SPON1: variants seen among roughly 807,000 people sequenced by gnomAD.
SPON1 encodes the protein spondin-1.
A neutral mutation model predicts 111.7 loss-of-function variants in SPON1; 52 were observed. The ratio of observed to expected loss-of-function variants is 0.47; its 90% CI spans 0.37 to 0.59. The LOEUF (loss-of-function observed/expected upper bound fraction) is 0.59, where lower values mean the gene tolerates loss of function less well. Among genes scored for constraint, SPON1 ranks in the 20% least tolerant of loss-of-function variants. The pLI is 0.00. For missense variants in SPON1, 957 were observed against 1,068.5 expected (o/e 0.90, Z 1.46); for synonymous variants, 410 against 395.8 (o/e 1.04, Z -0.43).
At chr11:14,209,288 T>C (rs1299693986) in intron 6 of SPON1, among the ~76,000 whole-genome samples, 2 of 152,158 alleles carry the variant, frequency 1.3e-5, no homozygotes, top group Non-Finnish European at 2.9e-5. Context: ...ATACTTTAAG[T>C]TCTTGGATAC....
At chr11:14,260,822 G>A (rs1269474701) in intron 14 of SPON1, 70 bp downstream of exon 14, 2 of 1,488,298 alleles carry the variant, frequency 1.3e-6, no homozygotes, top group East Asian at 2.3e-5. Context: ...GAACCAGCCA[G>A]TGCTAATACT....
At chr11:14,231,147 T>A (rs1848797693) in intron 6 of SPON1, among the ~76,000 whole-genome samples, 1 of 149,594 alleles carries the variant, frequency 6.7e-6, no homozygotes, top group African/African-American at 2.5e-5. Flanking sequence ...TTTTTTTTTT[T>A]ATTTGAGATG....
In SPON1 at chr11:14,135,619, C is replaced by T. The variant is rs1847582916; in HGVS notation, c.825+51C>T. On this transcript the variant is annotated intron_variant, in intron 6 of 15. Transcript: ENST00000576479. The surrounding 1 kb of genome is among the most constrained non-coding windows in gnomAD (Gnocchi z 4.4). ...CCAAATAACAGAAATGCAGTCAAAG[C>T]ACTCCTTAGATATCTTTCCCAGGGG... 6.4e-7 allele frequency: 1 copy of T among 1,573,448 alleles called. No homozygotes were observed. Among genetic ancestry groups the T allele is most frequent in the Non-Finnish European group, 8.7e-7 (1 of 1,148,618 alleles).
chr11:14,002,482 G>A (rs1554912549), intron 2 of SPON1, among the ~76,000 whole-genome samples: 1 of 152,126 alleles, frequency 6.6e-6, no homozygotes, highest in African/African-American at 2.4e-5. Context: ...GTAGACAGAG[G>A]CAAGCTGATC....
chr11:14,057,838 A>AAAAAAAAAAAAAC lies in SPON1; in HGVS notation c.479+16189_479+16190insAAAAAAACAAAAA, dbSNP rs1318170668. ...AGTGAGACCTTGTCTCTACAAAAAAAAAAAACAAAACAAAAACTTAAAAAT... is the reference window on the plus strand; with the variant it reads ...AGTGAGACCTTGTCTCTACAAAAAAAAAAAAAAAAAAACAAAAACAAAACAAAAACTTAAAAAT... On this transcript the variant is annotated intron_variant, in intron 3 of 15. Transcript: ENST00000576479. 2.3e-3 allele frequency among the ~76,000 whole-genome samples: 266 copies of AAAAAAAAAAAAAC among 117,796 alleles called. 1 individual carries two copies. Among genetic ancestry groups the AAAAAAAAAAAAAC allele is most frequent in the Middle Eastern group, 9.4e-3 (2 of 212 alleles). 77.3% of individuals were successfully genotyped at this position (117,796 alleles called of 152,430 possible). A position where few individuals can be genotyped will look rare whatever the true frequency, so the allele number is the denominator to read the frequency against.
At chr11:14,166,952 T>C (rs537691548) in intron 6 of SPON1, among the ~76,000 whole-genome samples, 1 of 152,220 alleles carries the variant, frequency 6.6e-6, no homozygotes, top group Non-Finnish European at 1.5e-5. Context: ...TGTCTGTAGA[T>C]GACAAAAATA....
At chr11:14,013,474 AAGG>A (rs374049158) in intron 2 of SPON1, among the ~76,000 whole-genome samples, 22 of 152,352 alleles carry the variant, frequency 1.4e-4, no homozygotes, top group African/African-American at 5.1e-4. Flanking sequence ...GAATAAAAGA[AAGG>A]AGGAGGGAGT....
At chr11:13,978,694 C>A (rs2697844) in intron 1 of SPON1, among the ~76,000 whole-genome samples, 53,719 of 152,036 alleles carry the variant, frequency 0.35, 10,504 homozygotes, top group East Asian at 0.69. Context: ...TCAGAGGAAA[C>A]ATCACACAAA....
intron 3 of SPON1, among the ~76,000 whole-genome samples, chr11:14,074,760 T>C (rs1554921247): frequency 6.6e-6 from 1 of 152,196 alleles, no homozygotes; most frequent in Non-Finnish European, 1.5e-5. Context: ...CAAAATATTT[T>C]TTCCAAATTC....
chr11:14,001,419 A>G (rs1393171256), intron 2 of SPON1, among the ~76,000 whole-genome samples: 1 of 152,184 alleles, frequency 6.6e-6, no homozygotes. Context: ...GCTTCTCCCT[A>G]ACAAGGTCTG....
At chr11:14,237,650 G>A (rs782411830) in intron 6 of SPON1, among the ~76,000 whole-genome samples, 13 of 152,216 alleles carry the variant, frequency 8.5e-5, no homozygotes, top group Admixed American at 2.0e-4. Flanking sequence ...GTGTGGCTGC[G>A]TATCACTGCA....
intron 5 of SPON1, among the ~76,000 whole-genome samples, chr11:14,123,906 T>C (rs1554926761): frequency 6.6e-6 from 1 of 152,216 alleles, no homozygotes; most frequent in Non-Finnish European, 1.5e-5. Flanking sequence ...CGGTCTGTTT[T>C]CCAACATCCG....
In SPON1 at chr11:14,255,337, C is replaced by T. The variant is rs564337417; in HGVS notation, c.1093-310C>T. ...CCTTTACTAAAAAAGTTTTCCAATGCCGGGTCTATTAGAAAGAGTTTGGGA... is the reference window on the plus strand; with the variant it reads ...CCTTTACTAAAAAAGTTTTCCAATGTCGGGTCTATTAGAAAGAGTTTGGGA... On this transcript the variant is annotated intron_variant, in intron 8 of 15. Transcript: ENST00000576479. 4.3e-4 allele frequency among the ~76,000 whole-genome samples: 65 copies of T among 152,278 alleles called. 1 individual carries two copies. Among genetic ancestry groups the T allele is most frequent in the African/African-American group, 1.5e-3 (64 of 41,552 alleles).
intron 5 of SPON1, among the ~76,000 whole-genome samples, chr11:14,112,579 C>T (rs1437584703): frequency 1.3e-5 from 2 of 152,186 alleles, no homozygotes; most frequent in Non-Finnish European, 2.9e-5. Context: ...CAGAAGAGCG[C>T]CTAGCATATA....
intron 6 of SPON1, among the ~76,000 whole-genome samples, chr11:14,241,473 T>A (rs1189354822): frequency 6.6e-6 from 1 of 151,814 alleles, no homozygotes; most frequent in Non-Finnish European, 1.5e-5. Flanking sequence ...GGGGAGACTG[T>A]GGAAGGAGGT....
chr11:14,059,280 C>T lies in SPON1; in HGVS notation c.480-16065C>T, dbSNP rs980361796. Among the ~76,000 whole-genome samples, 6 of 152,204 alleles carry T rather than the reference C, an allele frequency of 3.9e-5. No individual in the cohort carries two copies. The East Asian group carries it at 1.2e-3, about 29-fold the overall frequency. On this transcript the variant is annotated intron_variant, in intron 3 of 15. Coordinates refer to ENST00000576479, the MANE Select transcript of SPON1 (RefSeq NM_006108.4). Reference sequence around the variant, plus strand: ...TCAAAGAAGGATCAGGTCCAAAGGGCCCTCAGGGGGAAAGGCTGTGCCCAG... The same window carrying T: ...TCAAAGAAGGATCAGGTCCAAAGGGTCCTCAGGGGGAAAGGCTGTGCCCAG...
At chr11:13,975,276 G>A (rs1848093891) in intron 1 of SPON1, among the ~76,000 whole-genome samples, 1 of 152,196 alleles carries the variant, frequency 6.6e-6, no homozygotes. Flanking sequence ...CAAATGCTCA[G>A]TAAAGATAAA....
rs1414318009 is a variant in SPON1 at position 14,187,547 on chromosome 11, G to A, written c.825+51979G>A. Among the ~76,000 whole-genome samples, 6 of 152,140 alleles carry A rather than the reference G, an allele frequency of 3.9e-5. No individual in the cohort carries two copies. The South Asian group carries it at 8.3e-4, about 21-fold the overall frequency. Reference sequence around the variant, plus strand: ...CTGCCGCAAATCCTTGGGTAGCAAGGACATGTCATAGGTAGGAATTCTCAG... The same window carrying A: ...CTGCCGCAAATCCTTGGGTAGCAAGAACATGTCATAGGTAGGAATTCTCAG... On this transcript the variant is annotated intron_variant, in intron 6 of 15. Coordinates refer to ENST00000576479, the MANE Select transcript of SPON1 (RefSeq NM_006108.4).
At chr11:14,063,826 C>T (rs1406851677) in intron 3 of SPON1, among the ~76,000 whole-genome samples, 4 of 152,190 alleles carry the variant, frequency 2.6e-5, no homozygotes, top group Admixed American at 6.5e-5. Context: ...GTTCAGCCTC[C>T]GTGGTTCCTT....
Sources: allele counts gnomAD v4.1 joint callset (sites outside exome capture counted in the v4.1 genomes callset), GRCh38; gene constraint gnomAD v4.1.1; non-coding constraint Gnocchi (gnomAD v3.1); transcripts MANE v1.5; gene names NCBI Gene and HGNC (gene_info 2026-07-23, HGNC 2026-07-21).